The following ENAH variants were observed in gnomAD, a reference collection of about 807,000 sequenced individuals.
ENAH encodes ENAH actin regulator.
In ENAH, 23 loss-of-function variants were observed where a neutral mutation model predicts 78.7. That is an observed-to-expected ratio of 0.29 (90% CI 0.21 to 0.41). ENAH has a LOEUF of 0.41. Among genes scored for constraint, ENAH ranks in the 10% least tolerant of loss-of-function variants. The pLI is 1.00. For synonymous variants in ENAH, 226 were observed against 241.0 expected (o/e 0.94, Z 0.58); for missense variants, 544 against 691.0 (o/e 0.79, Z 2.39).
chr1:225,585,958 A>T (rs2096843991), intron 1 of ENAH, among the ~76,000 whole-genome samples: 1 of 152,194 alleles, frequency 6.6e-6, no homozygotes, highest in Non-Finnish European at 1.5e-5. Context: ...TCACGCCTGT[A>T]ATCTCAGCAT....
chr1:225,515,135 C>A, intron 6 of ENAH: 3 of 473,290 alleles, frequency 6.3e-6, no homozygotes. Flanking sequence ...TAGAACTATG[C>A]AACAGATCAT....
At chr1:225,558,627 C>CTTTTTTTTTT (rs71170091) in intron 2 of ENAH, among the ~76,000 whole-genome samples, 12 of 69,246 alleles carry the variant, frequency 1.7e-4, no homozygotes, top group Admixed American at 2.6e-4. Flanking sequence ...TAATTTCTGC[C>CTTTTTTTTTT]TTTTTTTTTT....
chr1:225,614,093 C>G (rs528570786), intron 1 of ENAH, among the ~76,000 whole-genome samples: 142 of 149,876 alleles, frequency 9.5e-4, no homozygotes, highest in Admixed American at 3.3e-3. Flanking sequence ...GAGTCTCATT[C>G]TGTCGCCCAG....
chr1:225,616,192 G>A (rs1486231826), intron 1 of ENAH, among the ~76,000 whole-genome samples: 4 of 151,864 alleles, frequency 2.6e-5, no homozygotes, highest in South Asian at 2.1e-4. Flanking sequence ...CAAACACTGC[G>A]GAAGGCCGCA....
At chr1:225,529,186 T>C (rs1018752703) in intron 4 of ENAH, among the ~76,000 whole-genome samples, 3 of 152,190 alleles carry the variant, frequency 2.0e-5, no homozygotes, top group Non-Finnish European at 2.9e-5. Flanking sequence ...GGTTCTCCTT[T>C]CTCTCAGAGT....
chr1:225,615,341 A>G (rs2097020944), intron 1 of ENAH, among the ~76,000 whole-genome samples: 1 of 152,100 alleles, frequency 6.6e-6, no homozygotes. Context: ...TCCCTCACTC[A>G]GTGCTCAATG....
At chr1:225,512,390 C>T (rs1373923144) in intron 9 of ENAH, among the ~76,000 whole-genome samples, 2 of 152,188 alleles carry the variant, frequency 1.3e-5, no homozygotes, top group Non-Finnish European at 2.9e-5. Context: ...GTCATTCACT[C>T]ATTTAAGGAA....
chr1:225,560,657 T>C (rs1222339778), intron 2 of ENAH, among the ~76,000 whole-genome samples: 1 of 152,122 alleles, frequency 6.6e-6, no homozygotes. Flanking sequence ...GTGCCCACCC[T>C]CCTGATGTGG....
intron 1 of ENAH, among the ~76,000 whole-genome samples, chr1:225,623,823 T>C (rs1413600232): frequency 6.6e-6 from 1 of 152,132 alleles, no homozygotes; most frequent in African/African-American, 2.4e-5. Flanking sequence ...TCTCCTGACC[T>C]TGTGATCCAC....
chr1:225,519,329 C>T lies in ENAH; in HGVS notation c.671G>A (p.Arg224Gln), dbSNP rs775334665. ...TCGTTCTTGTCTTTCTTGCCTCTCCCGATCCAGGCGTTCCTGCCGCTCCAG... is the reference window on the plus strand; with the variant it reads ...TCGTTCTTGTCTTTCTTGCCTCTCCTGATCCAGGCGTTCCTGCCGCTCCAG... ...ERLERQERLDRERQERQERER... is the reference protein window; with the variant it reads ...ERLERQERLDQERQERQERER... The change falls in exon 5 of 14, where the codon CGG (arginine) becomes CAG (glutamine). Residue 224 changes from arginine to glutamine, a missense_variant. Arg to Gln is a conservative substitution (Grantham distance 43, BLOSUM62 1). Around this residue, in one of 4 missense-constraint regions of ENAH, gnomAD observed 366 missense variants for 396.1 expected, o/e 0.92. Transcript: ENST00000366843. 1.3e-5 allele frequency: 21 copies of T among 1,613,534 alleles called. No homozygotes were observed. In the African/African-American group the frequency reaches 2.0e-4, roughly 15 times the overall value.
chr1:225,548,232 C>A (rs2096624658), intron 3 of ENAH, among the ~76,000 whole-genome samples: 1 of 143,618 alleles, frequency 7.0e-6, no homozygotes, highest in African/African-American at 2.6e-5. Flanking sequence ...TGGACATTAG[C>A]ATTCAAAATA....
intron 2 of ENAH, among the ~76,000 whole-genome samples, chr1:225,558,156 T>C (rs1278541187): frequency 6.6e-6 from 1 of 152,132 alleles, no homozygotes; most frequent in Non-Finnish European, 1.5e-5. Flanking sequence ...TGAGTGAGAT[T>C]AACCTGTAAT....
chr1:225,615,941 T>C (rs1021544704), intron 1 of ENAH, among the ~76,000 whole-genome samples: 6 of 152,200 alleles, frequency 3.9e-5, no homozygotes, highest in African/African-American at 1.2e-4. Context: ...TGTGTCTGTG[T>C]AGAAAGAAGC....
intron 1 of ENAH, among the ~76,000 whole-genome samples, chr1:225,647,017 G>A (rs548058662): frequency 6.6e-6 from 1 of 151,720 alleles, no homozygotes; most frequent in African/African-American, 2.4e-5. Context: ...ACGAGGTCAG[G>A]AGATCAAGAC....
intron 1 of ENAH, among the ~76,000 whole-genome samples, chr1:225,570,926 A>T (rs1207030196): frequency 6.6e-6 from 1 of 152,114 alleles, no homozygotes; most frequent in Non-Finnish European, 1.5e-5. Context: ...TCGCGCCATG[A>T]CACTCCAGCC....
In ENAH at chr1:225,639,312, G is replaced by T. The variant is rs142381074; in HGVS notation, c.5+13374C>A. On this transcript the variant is annotated intron_variant, in intron 1 of 13. Coordinates refer to ENST00000366843, the MANE Select transcript of ENAH (RefSeq NM_018212.6). ...AATGTACCAAGCTATATGTATACAT[G>T]ATTTATGCATTTAGCTGTATGTAAA... Among the ~76,000 whole-genome samples the T allele has an allele frequency of 2.4e-3, 361 of 152,242 alleles. 6 individuals carry two copies. The East Asian group carries it at 0.043, about 18-fold the overall frequency.
chr1:225,638,820 T>C (rs1368346351), intron 1 of ENAH, among the ~76,000 whole-genome samples: 1 of 152,132 alleles, frequency 6.6e-6, no homozygotes, highest in African/African-American at 2.4e-5. Flanking sequence ...GACATATATG[T>C]AAAAATGTAA....
chr1:225,631,727 C>T (rs1195506034), intron 1 of ENAH, among the ~76,000 whole-genome samples: 2 of 152,084 alleles, frequency 1.3e-5, no homozygotes, highest in Non-Finnish European at 2.9e-5. Context: ...TCTCCATGTA[C>T]CAGCAAAAAG....
chr1:225,615,376 G>A (rs1310753247), intron 1 of ENAH, among the ~76,000 whole-genome samples: 4 of 152,140 alleles, frequency 2.6e-5, no homozygotes, highest in East Asian at 1.9e-4. Flanking sequence ...GTGCAGTGGC[G>A]TGATCTCGGC....
Sources: gnomAD v4.1 joint callset for allele counts (sites outside exome capture counted in the v4.1 genomes callset) on GRCh38, gnomAD v4.1.1 for gene constraint, gnomAD v4.1.1 regional missense constraint, MANE v1.5 for transcripts, NCBI Gene and HGNC (gene_info 2026-07-23, HGNC 2026-07-21) for gene names.